PDCD6: variants seen among roughly 807,000 people sequenced by gnomAD.
PDCD6 encodes the protein programmed cell death protein 6.
A neutral mutation model predicts 28.3 loss-of-function variants in PDCD6; 12 were observed. The observed-to-expected ratio is 0.42, with a 90% CI of 0.27 to 0.69. PDCD6 has a LOEUF of 0.69. PDCD6 is among the 30% of genes least tolerant of loss of function. PDCD6 has a pLI of 0.22. For synonymous variants in PDCD6, 92 were observed against 108.0 expected, an observed-to-expected ratio of 0.85 and a Z score of 0.92; for missense variants, 226 against 269.9, an observed-to-expected ratio of 0.84 and a Z score of 1.14.
At chr5:287,028 G>C (rs2126711931) in intron 2 of PDCD6, among the ~76,000 whole-genome samples, 1 of 152,144 alleles carries the variant, frequency 6.6e-6, no homozygotes, top group South Asian at 2.1e-4. Flanking sequence ...GTTTCTAGTT[G>C]AGGGTCATGG....
chr5:311,762 C>T lies in PDCD6; in HGVS notation c.477+360C>T, dbSNP rs1018025931. 4 of 240,098 alleles carry T rather than the reference C, an allele frequency of 1.7e-5. 1 individual carries two copies. The highest frequency in any genetic ancestry group is 9.8e-5 in the South Asian group (2 of 20,310). 14.9% of individuals were successfully genotyped at this position (240,098 alleles called of 1,614,324 possible). ...AGACGGGAGTGCAGTGGCACGATCC[C>T]GGCTCACTCCCACCTCTGCGTCCCG... On this transcript the variant is annotated intron_variant, in intron 5 of 5. Transcript: ENST00000264933.
chr5:275,285 G>T (rs1469866101), intron 2 of PDCD6, among the ~76,000 whole-genome samples: 2 of 152,232 alleles, frequency 1.3e-5, no homozygotes, highest in Non-Finnish European at 2.9e-5. Flanking sequence ...TCCTCAGCTT[G>T]TGCTGGGGGC....
chr5:284,780 C>T (rs1463675243), intron 2 of PDCD6, among the ~76,000 whole-genome samples: 1 of 148,632 alleles, frequency 6.7e-6, no homozygotes, highest in Non-Finnish European at 1.5e-5. Flanking sequence ...GTTTGAGGGC[C>T]GGGGAGCTGA....
At chr5:277,228 C>T (rs1437121060) in intron 2 of PDCD6, among the ~76,000 whole-genome samples, 2 of 151,822 alleles carry the variant, frequency 1.3e-5, no homozygotes, top group African/African-American at 2.4e-5. Context: ...GGGGTTCAAG[C>T]GATTCTCCTG....
chr5:294,542 C>T (rs1482460764), intron 2 of PDCD6, among the ~76,000 whole-genome samples: 2 of 152,338 alleles, frequency 1.3e-5, no homozygotes, highest in Non-Finnish European at 1.5e-5. Flanking sequence ...AACCACAGGC[C>T]GACCCAGGTT....
chr5:291,282 A>G (rs1275971617), intron 2 of PDCD6, among the ~76,000 whole-genome samples: 6 of 151,900 alleles, frequency 3.9e-5, no homozygotes, highest in Admixed American at 3.3e-4. Flanking sequence ...TGTAGTTTTG[A>G]ACTTTGATGT....
chr5:278,786 A>ACAGGGGAGGGTGCTGGGGATG (rs1163946021), intron 2 of PDCD6, among the ~76,000 whole-genome samples: 2 of 147,848 alleles, frequency 1.4e-5, no homozygotes, highest in Non-Finnish European at 3.0e-5. Context: ...GGCTGGGGAC[A>ACAGGGGAGGGTGCTGGGGATG]CAGGGGAGGG....
chr5:277,229 G>A (rs950599941), intron 2 of PDCD6, among the ~76,000 whole-genome samples: 5 of 151,370 alleles, frequency 3.3e-5, no homozygotes, highest in Admixed American at 1.3e-4. Flanking sequence ...GGGTTCAAGC[G>A]ATTCTCCTGC....
At chr5:310,493 G>A (rs1740838028) in intron 4 of PDCD6, 2 of 152,388 alleles carry the variant, frequency 1.3e-5, no homozygotes, top group African/African-American at 4.8e-5. Flanking sequence ...GAGTCAGTAA[G>A]GATATGCCAC....
At position 306,750 on chromosome 5, in the gene PDCD6, C is replaced by G. The variant is rs770387811; in HGVS notation, c.357C>G (p.Leu119=). ...MIDKNELKQA[L]SGFGYRLSDQ... ...ATAAGAACGAGCTGAAGCAGGCCCT[C>G]TCAGGTTTCGGTAACTCACTCACTC... is the stretch of plus-strand genomic sequence containing the variant. Residue 119 remains leucine, a synonymous_variant, in exon 4 of 6, where the codon CTC becomes CTG. Transcript: ENST00000264933. 6.2e-7 allele frequency: 1 copy of G among 1,613,774 alleles called. No individual in the cohort carries two copies. Among genetic ancestry groups the G allele is most frequent in the Non-Finnish European group, 8.5e-7 (1 of 1,179,914 alleles).
intron 2 of PDCD6, among the ~76,000 whole-genome samples, chr5:294,966 A>G (rs957327986): frequency 6.6e-6 from 1 of 152,100 alleles, no homozygotes; most frequent in African/African-American, 2.4e-5. Flanking sequence ...ATCTTGGAGA[A>G]GACAGTGCTA....
At chr5:301,580 T>G (rs1434384718) in intron 2 of PDCD6, among the ~76,000 whole-genome samples, 2 of 152,258 alleles carry the variant, frequency 1.3e-5, no homozygotes. Flanking sequence ...TAACAGATGC[T>G]CGTCGAGTGC....
At chr5:281,066 ATTTTC>A (rs1738534472) in intron 2 of PDCD6, among the ~76,000 whole-genome samples, 1 of 152,246 alleles carries the variant, frequency 6.6e-6, no homozygotes, top group Non-Finnish European at 1.5e-5. Flanking sequence ...CTGTGTGGTG[ATTTTC>A]TTTAAAAATA....
In PDCD6 at chr5:305,655, C is replaced by G. The variant is rs948578959; in HGVS notation, c.209-947C>G. 6.6e-6 allele frequency: 1 copy of G among 152,190 alleles called. No homozygotes were observed. Among genetic ancestry groups the G allele is most frequent in the Admixed American group, 6.5e-5 (1 of 15,276 alleles). 9.4% of individuals were successfully genotyped at this position (152,190 alleles called of 1,614,324 possible). A position where few individuals can be genotyped will look rare whatever the true frequency, so the allele number is the denominator to read the frequency against. ...TGTGTGGTGCGCAGTGGGTCCTGCA[C>G]GCAACAGCATCGTCCACACACACTG... On this transcript the variant is annotated intron_variant, in intron 3 of 5. Coordinates refer to ENST00000264933, the MANE Select transcript of PDCD6 (RefSeq NM_013232.4). This position sits in a 1 kb window ranked among gnomAD's most constrained non-coding sequence, Gnocchi z 4.0.
At chr5:311,696 T>C (rs1342784532) in intron 5 of PDCD6, 1 of 342,672 alleles carries the variant, frequency 2.9e-6, no homozygotes, top group Non-Finnish European at 5.4e-6. Context: ...TTTTTTGTTT[T>C]GTTTTGTTTT....
At chr5:282,758 G>A (rs1428564896) in intron 2 of PDCD6, among the ~76,000 whole-genome samples, 1 of 152,152 alleles carries the variant, frequency 6.6e-6, no homozygotes, top group Non-Finnish European at 1.5e-5. Context: ...GAGAGAAGCT[G>A]ATGTTCTAGT....
intron 2 of PDCD6, among the ~76,000 whole-genome samples, chr5:303,346 G>A (rs971435439): frequency 3.3e-5 from 5 of 151,334 alleles, no homozygotes; most frequent in African/African-American, 7.3e-5. Context: ...TATGAGGAGA[G>A]CCACTGGTCT....
intron 2 of PDCD6, among the ~76,000 whole-genome samples, chr5:274,843 C>A (rs1561028369): frequency 6.6e-6 from 1 of 152,198 alleles, no homozygotes; most frequent in African/African-American, 2.4e-5. Flanking sequence ...CTTTAACCAT[C>A]AGCAAGTGTC....
chr5:290,751 C>G (rs1739266357), intron 2 of PDCD6, among the ~76,000 whole-genome samples: 1 of 152,224 alleles, frequency 6.6e-6, no homozygotes, highest in Non-Finnish European at 1.5e-5. Flanking sequence ...AGGACCCTGT[C>G]CCAGCTGGTC....
Sources: gnomAD v4.1 joint callset for allele counts (sites outside exome capture counted in the v4.1 genomes callset) on GRCh38, gnomAD v4.1.1 for gene constraint, Gnocchi (gnomAD v3.1) non-coding constraint, MANE v1.5 for transcripts, NCBI Gene and HGNC (gene_info 2026-07-23, HGNC 2026-07-21) for gene names.